The following CBX5 variants were observed in gnomAD, a reference collection of about 807,000 sequenced individuals.
CBX5 encodes chromobox 5.
A neutral mutation model predicts 20.7 loss-of-function variants in CBX5; 7 were observed. That is an observed-to-expected ratio of 0.34 (90% CI 0.19 to 0.63). CBX5 has a LOEUF of 0.63. CBX5 is among the 30% of genes least tolerant of loss of function. The pLI is 0.75. For synonymous variants in CBX5, 78 were observed against 77.0 expected (o/e 1.01, Z -0.07); for missense variants, 110 against 224.1 (o/e 0.49, Z 3.25).
chr12:54,264,663 C>T (rs761395318), intron 1 of CBX5, among the ~76,000 whole-genome samples: 3 of 151,820 alleles, frequency 2.0e-5, no homozygotes, highest in South Asian at 2.1e-4. Flanking sequence ...GCCAACATGG[C>T]GAAACCCCAT....
chr12:54,259,376 T>G (rs993560942), intron 1 of CBX5: 18 of 152,094 alleles, frequency 1.2e-4, no homozygotes, highest in African/African-American at 4.1e-4. Flanking sequence ...CTCCCCTGCC[T>G]CACCAGGAAA....
rs1362501433 is a variant in CBX5, at chr12:54,232,700, G to A, written c.*9055C>T. ...AATAACTGAAGGGTATTAACTGAGG[G>A]CCTATTATTTATCTAGTATAATGTG... On this transcript the variant is annotated 3_prime_UTR_variant, in exon 5 of 5. Transcript: ENST00000209875. The A allele has an allele frequency of 6.6e-6, 1 of 151,638 alleles. No homozygotes were observed. Among genetic ancestry groups the A allele is most frequent in the Non-Finnish European group, 1.5e-5 (1 of 67,950 alleles). The allele number at this position is 151,638 out of a possible 1,614,324, so 9.4% of individuals were successfully genotyped here. A position where few individuals can be genotyped will look rare whatever the true frequency, so the allele number is the denominator to read the frequency against.
At chr12:54,256,755 T>C (rs1943866061) in intron 2 of CBX5, among the ~76,000 whole-genome samples, 1 of 152,188 alleles carries the variant, frequency 6.6e-6, no homozygotes, top group African/African-American at 2.4e-5. Context: ...TAAAATATTA[T>C]TAAAATTAAT....
intron 3 of CBX5, among the ~76,000 whole-genome samples, chr12:54,249,641 C>G (rs1159082807): frequency 6.6e-6 from 1 of 151,878 alleles, no homozygotes; most frequent in Non-Finnish European, 1.5e-5. Context: ...GCTTCATAAC[C>G]TTGAAATAAA....
chr12:54,246,215 G>T lies in CBX5; in HGVS notation c.325C>A (p.Gln109Lys). The part of the protein sequence containing the change: ...DDIKSKKKRE[Q>K]SNDIARGFER... ...AAGCCCCGAGCGATATCATTGCTCT[G>T]CTATAAATAGAAGATAAAGAAAGGT... Residue 109 changes from glutamine to lysine, a missense_variant and splice_region_variant, in exon 4 of 5, where the codon CAG becomes AAG. Physicochemically the swap from Gln to Lys is moderately conservative, Grantham distance 53. Around this residue, in one of 3 missense-constraint regions of CBX5, gnomAD observed 21 missense variants for 18.6 expected, o/e 1.13. Coordinates refer to ENST00000209875, the MANE Select transcript of CBX5 (RefSeq NM_012117.3). The T allele has an allele frequency of 6.2e-7, 1 of 1,606,180 alleles. No individual in the cohort carries two copies. The highest frequency in any genetic ancestry group is 8.5e-7 in the Non-Finnish European group (1 of 1,173,048).
At chr12:54,256,166 T>C (rs991607152) in intron 2 of CBX5, among the ~76,000 whole-genome samples, 4 of 152,196 alleles carry the variant, frequency 2.6e-5, no homozygotes, top group African/African-American at 4.8e-5. Flanking sequence ...ACCCAAATAT[T>C]TCCAGTGGAA....
chr12:54,241,673 G>GA lies in CBX5; in HGVS notation c.*81dup. Reference sequence around the variant, plus strand: ...ATTTTTTATGGATGTGTTTAGGATAGAAAGGGGTGGGTAGAAAGGAGAGGA... The same window carrying GA: ...ATTTTTTATGGATGTGTTTAGGATAGAAAAGGGGTGGGTAGAAAGGAGAGGA... On this transcript the variant is annotated 3_prime_UTR_variant, in exon 5 of 5. Coordinates refer to ENST00000209875, the MANE Select transcript of CBX5 (RefSeq NM_012117.3). 7.4e-7 allele frequency: 1 copy of GA among 1,353,644 alleles called. No homozygotes were observed. Among genetic ancestry groups the GA allele is most frequent in the Non-Finnish European group, 1.0e-6 (1 of 981,156 alleles). The allele number at this position is 1,353,644 out of a possible 1,614,324, so 83.9% of individuals were successfully genotyped here.
chr12:54,244,809 G>C (rs1333116146), intron 4 of CBX5, among the ~76,000 whole-genome samples: 1 of 152,066 alleles, frequency 6.6e-6, no homozygotes, highest in Non-Finnish European at 1.5e-5. Context: ...GAAATAACTT[G>C]TGCTTTGGCC....
chr12:54,267,702 A>G (rs1943969720), intron 1 of CBX5, among the ~76,000 whole-genome samples: 1 of 152,144 alleles, frequency 6.6e-6, no homozygotes, highest in South Asian at 2.1e-4. Context: ...TTTTTAGTAG[A>G]GACGGGGTTT....
chr12:54,270,522 C>T (rs1310605472), intron 1 of CBX5, among the ~76,000 whole-genome samples: 1 of 152,204 alleles, frequency 6.6e-6, no homozygotes, highest in East Asian at 1.9e-4. Flanking sequence ...ATCCTCTCGC[C>T]TCAGCTTCTC....
At chr12:54,251,660 G>A (rs1006554081) in intron 3 of CBX5, among the ~76,000 whole-genome samples, 2 of 152,152 alleles carry the variant, frequency 1.3e-5, no homozygotes, top group African/African-American at 4.8e-5. Flanking sequence ...ACTCCAGCCT[G>A]GGCAACAGAG....
intron 3 of CBX5, among the ~76,000 whole-genome samples, chr12:54,250,220 T>A (rs1224814802): frequency 6.6e-6 from 1 of 151,288 alleles, no homozygotes; most frequent in Non-Finnish European, 1.5e-5. Context: ...TGAAACTCCG[T>A]CTCAAAAAAA....
chr12:54,271,541 C>T (rs1565874790), intron 1 of CBX5, among the ~76,000 whole-genome samples: 1 of 152,212 alleles, frequency 6.6e-6, no homozygotes, highest in East Asian at 1.9e-4. Context: ...CCAGGCTGAT[C>T]TGGAACTCCT....
Position 54,252,197 on chromosome 12 carries a change from G to A in CBX5, c.168C>T (p.Asn56=). The part of the protein sequence containing the change: ...EEHNTWEPEK[N]LDCPELISEF... Reference sequence around the variant, plus strand: ...CAGAAATTAGCTCAGGGCAATCCAAGTTTTTCTCAGGTTCCCAAGTATTGT... The same window carrying A: ...CAGAAATTAGCTCAGGGCAATCCAAATTTTTCTCAGGTTCCCAAGTATTGT... The change falls in exon 3 of 5, where the codon AAC becomes AAT. Residue 56 remains asparagine, a synonymous_variant. Coordinates refer to ENST00000209875, the MANE Select transcript of CBX5 (RefSeq NM_012117.3). 6.9e-7 allele frequency: 1 copy of A among 1,455,748 alleles called. No individual in the cohort carries two copies. Among genetic ancestry groups the A allele is most frequent in the Non-Finnish European group, 9.2e-7 (1 of 1,083,932 alleles). The allele number at this position is 1,455,748 out of a possible 1,614,324, so 90.2% of individuals were successfully genotyped here.
chr12:54,263,298 T>C (rs1268263371), intron 1 of CBX5, among the ~76,000 whole-genome samples: 3 of 149,152 alleles, frequency 2.0e-5, no homozygotes, highest in African/African-American at 7.4e-5. Context: ...AAGATGGAGG[T>C]TGCAGTGAGC....
Position 54,257,576 on chromosome 12 carries a change from C to T in CBX5, c.75G>A (p.Val25=). ...GTCCCTTAACCACGCGCCTGTCTAG[C>T]ACCTTCTCCACAACATACTCCTCCT... ...EDEEEYVVEK[V]LDRRVVKGQV... The change falls in exon 2 of 5, where the codon GTG becomes GTA. Residue 25 remains valine (V), a synonymous_variant. Transcript: ENST00000209875. The T allele has an allele frequency of 3.1e-6, 5 of 1,614,188 alleles. No individual in the cohort carries two copies. Among genetic ancestry groups the T allele is most frequent in the Non-Finnish European group, 4.2e-6 (5 of 1,180,026 alleles).
Position 54,245,715 on chromosome 12 carries a change from C to T in CBX5, c.425+400G>A, listed in dbSNP as rs11170854. Reference sequence around the variant, plus strand: ...CTGAGGCAGGAGTATCGCTTGAACCCGGAGGCGGAGGTTGCGGTAAGCCGA... The same window carrying T: ...CTGAGGCAGGAGTATCGCTTGAACCTGGAGGCGGAGGTTGCGGTAAGCCGA... On this transcript the variant is annotated intron_variant, in intron 4 of 4. Coordinates refer to ENST00000209875, the MANE Select transcript of CBX5 (RefSeq NM_012117.3). 7.6e-3 allele frequency among the ~76,000 whole-genome samples: 1,154 copies of T among 152,056 alleles called. 45 individuals carry two copies. In the East Asian group the frequency reaches 0.12, roughly 16 times the overall value.
intron 1 of CBX5, chr12:54,273,850 G>A (rs1340335710): frequency 6.6e-6 from 1 of 152,170 alleles, no homozygotes; most frequent in Non-Finnish European, 1.5e-5. Context: ...ATTTGTTATA[G>A]CAGCCACAGG....
Position 54,257,505 on chromosome 12 carries a change from G to C in CBX5, c.137+9C>G, listed in dbSNP as rs1028612466. 6.2e-7 allele frequency: 1 copy of C among 1,614,016 alleles called. No individual in the cohort carries two copies. The highest frequency in any genetic ancestry group is 1.3e-5 in the African/African-American group (1 of 75,022). ...GAGTCCCAACGCCTGGGGGAAAAAA[G>C]GAACTTACTCAGAAAAGCCTTTCCA... On this transcript the variant is annotated intron_variant, in intron 2 of 4. Transcript: ENST00000209875.
Sources: allele counts gnomAD v4.1 joint callset (sites outside exome capture counted in the v4.1 genomes callset), GRCh38; gene constraint gnomAD v4.1.1; regional missense constraint gnomAD v4.1.1; transcripts MANE v1.5; gene names NCBI Gene and HGNC (gene_info 2026-07-23, HGNC 2026-07-21).